SHISA9: variants seen among roughly 807,000 people sequenced by gnomAD.
The protein encoded by SHISA9 is protein shisa-9.
SHISA9 carries 13 observed loss-of-function variants against 38.0 expected under a neutral mutation model. That is an observed-to-expected ratio of 0.34 (90% CI 0.22 to 0.54). The LOEUF is 0.54. Among genes scored for constraint, SHISA9 ranks in the 20% least tolerant of loss-of-function variants. The pLI is 0.91. For synonymous variants in SHISA9, 275 were observed against 242.0 expected, an observed-to-expected ratio of 1.14 and a Z score of -1.27; for missense variants, 538 against 575.8, an observed-to-expected ratio of 0.93 and a Z score of 0.67.
At chr16:13,217,290 TAAA>T (rs1210584757) in intron 4 of SHISA9, among the ~76,000 whole-genome samples, 33 of 151,746 alleles carry the variant, frequency 2.2e-4, no homozygotes, top group Admixed American at 1.1e-3. Flanking sequence ...AATAAATAAA[TAAA>T]TAAATTAATT....
chr16:13,196,622 G>A (rs115723504), intron 2 of SHISA9, among the ~76,000 whole-genome samples: 1,929 of 152,246 alleles, frequency 0.013, 38 homozygotes, highest in African/African-American at 0.044. Flanking sequence ...CAAATAAAGT[G>A]TGGGCTTTAG....
At chr16:13,362,688 A>G in the SHISA9 span, among the ~76,000 whole-genome samples, 31 of 152,166 alleles carry the variant, frequency 2.0e-4, no homozygotes, top group African/African-American at 7.2e-4. Flanking sequence ...GCCTTATCCC[A>G]TATCCCTGGT....
At chr16:13,386,367 A>T in the SHISA9 span, among the ~76,000 whole-genome samples, 1 of 152,208 alleles carries the variant, frequency 6.6e-6, no homozygotes, top group African/African-American at 2.4e-5. Flanking sequence ...GTGTCCACTT[A>T]CTTTAATGCG....
At chr16:13,542,391 A>T in the SHISA9 span, among the ~76,000 whole-genome samples, 45 of 152,328 alleles carry the variant, frequency 3.0e-4, no homozygotes, top group African/African-American at 7.5e-4. Context: ...CCTAACATGG[A>T]ATCATCAGGA....
the SHISA9 span, among the ~76,000 whole-genome samples, chr16:13,335,517 A>C: frequency 6.6e-6 from 1 of 152,220 alleles, no homozygotes; most frequent in African/African-American, 2.4e-5. Context: ...ATGCTGTCTT[A>C]GAAGATGCAA....
At chr16:13,280,270 A>G in the SHISA9 span, among the ~76,000 whole-genome samples, 15 of 151,588 alleles carry the variant, frequency 9.9e-5, no homozygotes, top group Non-Finnish European at 1.5e-5. Context: ...TCAGAAGACC[A>G]GTGCTCTAAC....
intron 3 of SHISA9, among the ~76,000 whole-genome samples, chr16:13,209,971 C>T (rs548692764): frequency 6.6e-6 from 1 of 152,038 alleles, no homozygotes; most frequent in Admixed American, 6.5e-5. Context: ...TGTGGTGGCA[C>T]ATGCCTGTAG....
intron 2 of SHISA9, among the ~76,000 whole-genome samples, chr16:13,071,972 C>T (rs1284570851): frequency 1.3e-5 from 2 of 152,186 alleles, no homozygotes; most frequent in Non-Finnish European, 2.9e-5. Context: ...GACACCCGCT[C>T]TTCCCAAATC....
At chr16:12,993,184 C>A (rs1346302778) in intron 2 of SHISA9, among the ~76,000 whole-genome samples, 4 of 152,038 alleles carry the variant, frequency 2.6e-5, no homozygotes, top group Non-Finnish European at 5.9e-5. Context: ...GGCACCTACC[C>A]TCATATATAA....
intron 2 of SHISA9, among the ~76,000 whole-genome samples, chr16:13,096,879 C>T (rs540798520): frequency 6.6e-6 from 1 of 152,262 alleles, no homozygotes; most frequent in South Asian, 2.1e-4. Context: ...CTCTTCTTGT[C>T]ACCTGCTCAG....
the SHISA9 span, among the ~76,000 whole-genome samples, chr16:13,383,776 A>C: frequency 0.051 from 7,776 of 152,130 alleles, 451 homozygotes; most frequent in African/African-American, 0.14. Context: ...TTGGGCTCCG[A>C]GTAGCTGGGA....
intron 2 of SHISA9, among the ~76,000 whole-genome samples, chr16:13,168,548 T>C (rs1006883862): frequency 2.0e-5 from 3 of 152,172 alleles, no homozygotes; most frequent in Admixed American, 1.3e-4. Context: ...TGTAGCAAAC[T>C]GCAAAGCCTT....
chr16:12,952,535 G>C (rs2009447), intron 2 of SHISA9, among the ~76,000 whole-genome samples: 116,571 of 152,158 alleles, frequency 0.77, 44,806 homozygotes, highest in Middle Eastern at 0.8. Flanking sequence ...CAAATCTCAT[G>C]TTGAATTGTA....
chr16:12,985,133 G>A (rs969746098), intron 2 of SHISA9, among the ~76,000 whole-genome samples: 1 of 151,852 alleles, frequency 6.6e-6, no homozygotes, highest in Admixed American at 6.6e-5. Flanking sequence ...TCTGGGCCCC[G>A]TTTCCATCAA....
At chr16:13,437,126 G>A in the SHISA9 span, among the ~76,000 whole-genome samples, 2 of 152,072 alleles carry the variant, frequency 1.3e-5, no homozygotes, top group Admixed American at 6.5e-5. Context: ...TGAGATTCGG[G>A]TGGGGACACA....
intron 2 of SHISA9, among the ~76,000 whole-genome samples, chr16:13,162,915 A>G (rs1265962356): frequency 1.3e-5 from 2 of 152,238 alleles, no homozygotes; most frequent in East Asian, 3.9e-4. Context: ...CCTGTTCACC[A>G]AAGGTGGTTC....
rs376064705 is a variant in SHISA9, at chr16:12,903,790, T to C, written c.563+1163T>C. Among the ~76,000 whole-genome samples the C allele has an allele frequency of 5.1e-4, 77 of 152,268 alleles. 3 individuals carry two copies. In the South Asian group the frequency reaches 0.014, roughly 28 times the overall value. On this transcript the variant is annotated intron_variant, in intron 1 of 4. Coordinates refer to ENST00000558583, the MANE Select transcript of SHISA9 (RefSeq NM_001145204.3). ...CCCACCCCTTCTTCCGCGCCCCCTC[T>C]GCCGGGGGCCTGTGTGTGTGCGCGC...
the SHISA9 span, among the ~76,000 whole-genome samples, chr16:13,521,922 C>T: frequency 1.3e-5 from 2 of 152,188 alleles, no homozygotes; most frequent in Admixed American, 1.3e-4. Flanking sequence ...GAAATAGCTC[C>T]TCCTGAAGTT....
the SHISA9 span, among the ~76,000 whole-genome samples, chr16:13,507,801 C>T: frequency 2.0e-5 from 3 of 152,254 alleles, no homozygotes; most frequent in East Asian, 1.9e-4. Context: ...AGATTGTGCT[C>T]GTTTGCTTGT....
Sources: gnomAD v4.1 joint callset for allele counts (sites outside exome capture counted in the v4.1 genomes callset) on GRCh38, gnomAD v4.1.1 for gene constraint, MANE v1.5 for transcripts, NCBI Gene and HGNC (gene_info 2026-07-23, HGNC 2026-07-21) for gene names.